The following MED27 variants were observed in gnomAD, a reference collection of about 807,000 sequenced individuals.
MED27 encodes the protein mediator of RNA polymerase II transcription subunit 27.
Under a neutral mutation model 38.2 loss-of-function variants are expected in MED27, and 30 were observed. The ratio of observed to expected loss-of-function variants is 0.79; its 90% CI spans 0.59 to 1.07. The LOEUF (loss-of-function observed/expected upper bound fraction) is 1.07, where lower values mean the gene tolerates loss of function less well. Among genes scored for constraint, MED27 ranks in the 50% least tolerant of loss-of-function variants. The probability of loss-of-function intolerance (pLI) is 0.00; values close to 1 mark genes in which losing one functional copy is unlikely to be tolerated. For missense variants in MED27, 289 were observed against 397.5 expected (o/e 0.73, Z 2.32); for synonymous variants, 122 against 153.5 (o/e 0.79, Z 1.52).
chr9:131,865,592 G>A (rs1048132579), intron 6 of MED27, among the ~76,000 whole-genome samples: 5 of 152,100 alleles, frequency 3.3e-5, no homozygotes, highest in East Asian at 1.9e-4. Flanking sequence ...TGGAATAGCC[G>A]AGGCAGCTGG....
intron 3 of MED27, among the ~76,000 whole-genome samples, chr9:131,967,441 T>TA (rs1831372991): frequency 6.6e-6 from 1 of 152,180 alleles, no homozygotes; most frequent in African/African-American, 2.4e-5. Context: ...AGGTTGCACT[T>TA]ACGGCAGAGT....
intron 5 of MED27, among the ~76,000 whole-genome samples, chr9:131,888,745 C>T (rs565044737): frequency 2.6e-5 from 4 of 152,254 alleles, no homozygotes; most frequent in East Asian, 1.9e-4. Flanking sequence ...GCTATGGTGA[C>T]GGATCTCTCC....
At chr9:131,939,947 C>T (rs1009639806) in intron 3 of MED27, among the ~76,000 whole-genome samples, 2 of 149,716 alleles carry the variant, frequency 1.3e-5, no homozygotes, top group Non-Finnish European at 3.0e-5. Context: ...TGCTGTGTCA[C>T]CTAGGCTGGA....
At chr9:132,033,792 C>T (rs935132977) in intron 2 of MED27, among the ~76,000 whole-genome samples, 1 of 152,158 alleles carries the variant, frequency 6.6e-6, no homozygotes, top group Admixed American at 6.5e-5. Flanking sequence ...TAAGAGGAAG[C>T]CACTTTCTTT....
At chr9:131,963,280 C>T (rs1050576262) in intron 3 of MED27, among the ~76,000 whole-genome samples, 11 of 151,952 alleles carry the variant, frequency 7.2e-5, no homozygotes, top group South Asian at 2.1e-4. Context: ...TAAGTTTTAG[C>T]GTAGAGAACA....
At chr9:131,922,009 A>C (rs1589213487) in intron 4 of MED27, among the ~76,000 whole-genome samples, 1 of 113,810 alleles carries the variant, frequency 8.8e-6, no homozygotes. Context: ...AACATCACAC[A>C]CCGGGGCCTG....
intron 2 of MED27, among the ~76,000 whole-genome samples, chr9:132,074,250 T>C (rs1306175640): frequency 6.6e-6 from 1 of 152,198 alleles, no homozygotes; most frequent in African/African-American, 2.4e-5. Context: ...TAGATGGGAT[T>C]CATTTTTAAA....
chr9:131,873,218 A>G (rs919268942), intron 6 of MED27, among the ~76,000 whole-genome samples: 1 of 152,230 alleles, frequency 6.6e-6, no homozygotes, highest in African/African-American at 2.4e-5. Context: ...CAAGTGTGTT[A>G]AATGTTTAAA....
chr9:131,860,767 G>T lies in MED27; in HGVS notation c.802-95C>A. 1 of 1,444,468 alleles carries T rather than the reference G, an allele frequency of 6.9e-7. No homozygotes were observed. The highest frequency in any genetic ancestry group is 1.4e-5 in the African/African-American group (1 of 70,474). 89.5% of individuals were successfully genotyped at this position (1,444,468 alleles called of 1,614,324 possible). A position where few individuals can be genotyped will look rare whatever the true frequency, so the allele number is the denominator to read the frequency against. ...AAGCCTAATGGCCCAGACAACTTAA[G>T]TTGGCTTTGGCCCCAGAAGATGCCC... On this transcript the variant is annotated intron_variant, in intron 7 of 7. Coordinates refer to ENST00000292035, the MANE Select transcript of MED27 (RefSeq NM_004269.4). The surrounding 1 kb of genome is among the most constrained non-coding windows in gnomAD (Gnocchi z 5.8).
chr9:132,005,853 G>A (rs917202422), intron 3 of MED27, among the ~76,000 whole-genome samples: 2 of 152,156 alleles, frequency 1.3e-5, no homozygotes, highest in Admixed American at 1.3e-4. Context: ...ATTAATAAAC[G>A]AGCTTAGGTA....
rs150321302 is a variant in MED27 at position 131,942,202 on chromosome 9, G to A, written c.480-2728C>T. On this transcript the variant is annotated intron_variant, in intron 3 of 7. Coordinates refer to ENST00000292035, the MANE Select transcript of MED27 (RefSeq NM_004269.4). ...ACAGGTTGACCACACATCATCTCCCGTGGTTCCCTCTAGATTTACAGCATC... is the reference window on the plus strand; with the variant it reads ...ACAGGTTGACCACACATCATCTCCCATGGTTCCCTCTAGATTTACAGCATC... 4.6e-5 allele frequency among the ~76,000 whole-genome samples: 7 copies of A among 152,142 alleles called. 1 individual carries two copies. In the East Asian group the frequency reaches 1.2e-3, roughly 25 times the overall value.
At chr9:131,919,907 C>T (rs1334756188) in intron 4 of MED27, among the ~76,000 whole-genome samples, 1 of 151,304 alleles carries the variant, frequency 6.6e-6, no homozygotes, top group Admixed American at 6.6e-5. Flanking sequence ...CTCCGGGGCT[C>T]AGGTGATCCT....
intron 4 of MED27, among the ~76,000 whole-genome samples, chr9:131,916,068 T>A (rs1173409025): frequency 6.6e-6 from 1 of 152,248 alleles, no homozygotes; most frequent in Non-Finnish European, 1.5e-5. Flanking sequence ...TGCATACTAA[T>A]TTTTTAATTC....
intron 3 of MED27, among the ~76,000 whole-genome samples, chr9:131,987,374 C>T (rs574661403): frequency 6.6e-6 from 1 of 152,042 alleles, no homozygotes; most frequent in Non-Finnish European, 1.5e-5. Context: ...AAGTCTCATG[C>T]GATGTGGTGT....
At chr9:131,954,766 C>G (rs893693249) in intron 3 of MED27, among the ~76,000 whole-genome samples, 1 of 152,016 alleles carries the variant, frequency 6.6e-6, no homozygotes, top group African/African-American at 2.4e-5. Context: ...CAGGGGTGAA[C>G]GAAACCCATT....
chr9:131,940,994 C>G (rs1002682332), intron 3 of MED27, among the ~76,000 whole-genome samples: 3 of 152,130 alleles, frequency 2.0e-5, no homozygotes, highest in African/African-American at 7.2e-5. Flanking sequence ...CCACTTACAC[C>G]ATGGGCCAAT....
chr9:132,076,797 G>A lies in MED27; in HGVS notation c.348+645C>T, dbSNP rs142461747. Among the ~76,000 whole-genome samples the A allele has an allele frequency of 1.4e-3, 210 of 152,264 alleles. 1 individual carries two copies. The highest frequency in any genetic ancestry group is 4.9e-3 in the African/African-American group (203 of 41,538). ...TTAGTAAACAAACGAACCGTTTCCA[G>A]ATTCATGAGCCTAATTGTTTCTGTT... On this transcript the variant is annotated intron_variant, in intron 2 of 7. Coordinates refer to ENST00000292035, the MANE Select transcript of MED27 (RefSeq NM_004269.4).
chr9:131,958,516 G>A (rs536836192), intron 3 of MED27, among the ~76,000 whole-genome samples: 18 of 152,292 alleles, frequency 1.2e-4, no homozygotes, highest in African/African-American at 4.3e-4. Flanking sequence ...AAAATGTTGG[G>A]ATTACAGGCG....
intron 3 of MED27, among the ~76,000 whole-genome samples, chr9:131,983,552 C>T (rs962576868): frequency 5.9e-5 from 9 of 152,154 alleles, no homozygotes; most frequent in African/African-American, 2.2e-4. Context: ...CTATATTAAA[C>T]CTAGTCTTCC....
Sources: gnomAD v4.1 joint callset for allele counts (sites outside exome capture counted in the v4.1 genomes callset) on GRCh38, gnomAD v4.1.1 for gene constraint, Gnocchi (gnomAD v3.1) non-coding constraint, MANE v1.5 for transcripts, NCBI Gene and HGNC (gene_info 2026-07-23, HGNC 2026-07-21) for gene names.